TRIP12: variants seen among roughly 807,000 people sequenced by gnomAD.
TRIP12 encodes thyroid hormone receptor interactor 12.
Under a neutral mutation model 244.2 loss-of-function variants are expected in TRIP12, and 25 were observed. That is an observed-to-expected ratio of 0.10 (90% CI 0.07 to 0.14). TRIP12 has a LOEUF of 0.14. Ranked by LOEUF, TRIP12 falls within the 10% of genes least tolerant of loss-of-function variation. The pLI is 1.00. For synonymous variants in TRIP12, 905 were observed against 873.1 expected, an observed-to-expected ratio of 1.04 and a Z score of -0.64; for missense variants, 1,677 against 2,486.4, an observed-to-expected ratio of 0.67 and a Z score of 6.92.
chr2:229,896,829 A>G (rs2068972388), intron 1 of TRIP12, among the ~76,000 whole-genome samples: 1 of 152,244 alleles, frequency 6.6e-6, no homozygotes, highest in Admixed American at 6.5e-5. Flanking sequence ...AGACTTTACA[A>G]TAAGACTCTT....
At position 229,802,312 on chromosome 2, in the gene TRIP12, TCAGCTGCAGCATGAGTGG is replaced by T. The variant is rs779847915; in HGVS notation, c.3128_3145del (p.Ala1043_Ala1048del). 2.5e-6 allele frequency: 4 copies of T among 1,613,434 alleles called. No homozygotes were observed. The African/African-American group carries it at 4.0e-5, about 16-fold the overall frequency. ...GTGCTGCAAGCTGGGTGATCCCAAG[TCAGCTGCAGCATGAGTGG>T]CAGCTGTGGCTGTCCCACTGCTGAC... On this transcript the variant is annotated inframe_deletion, in exon 21 of 42. Coordinates refer to ENST00000675903, the MANE Select transcript of TRIP12 (RefSeq NM_001348323.3).
chr2:229,801,911 G>A (rs920615893), intron 21 of TRIP12, among the ~76,000 whole-genome samples: 1 of 152,100 alleles, frequency 6.6e-6, no homozygotes, highest in African/African-American at 2.4e-5. Flanking sequence ...ACAAAAAATA[G>A]TCACAAGATT....
At position 229,792,959 on chromosome 2, in the gene TRIP12, T is replaced by C; in HGVS notation, c.4141+14A>G. ...ATACATATATAACACACGAAACAAA[T>C]ATATGGAAAGTACCTCTAACTACAA... is the stretch of plus-strand genomic sequence containing the variant. On this transcript the variant is annotated intron_variant, in intron 27 of 41. Transcript: ENST00000675903. 5.0e-6 allele frequency: 8 copies of C among 1,606,494 alleles called. No individual in the cohort carries two copies. The highest frequency in any genetic ancestry group is 6.8e-6 in the Non-Finnish European group (8 of 1,176,682).
chr2:229,769,554 T>A (rs1002003499), intron 39 of TRIP12, among the ~76,000 whole-genome samples: 1 of 152,122 alleles, frequency 6.6e-6, no homozygotes, highest in Non-Finnish European at 1.5e-5. Flanking sequence ...CTGCAGGGAC[T>A]TGGTTCCTGA....
intron 2 of TRIP12, among the ~76,000 whole-genome samples, chr2:229,872,282 G>T (rs891034316): frequency 1.3e-5 from 2 of 152,174 alleles, no homozygotes; most frequent in East Asian, 1.9e-4. Flanking sequence ...AAAAAGAAGA[G>T]TCTGGGTGTG....
chr2:229,869,826 AACT>A (rs1463876170), intron 2 of TRIP12, among the ~76,000 whole-genome samples: 1 of 152,222 alleles, frequency 6.6e-6, no homozygotes, highest in Non-Finnish European at 1.5e-5. Context: ...AACTTTAAAG[AACT>A]ACTAACGAAT....
chr2:229,837,504 A>T (rs2055143674), intron 5 of TRIP12, among the ~76,000 whole-genome samples: 1 of 152,050 alleles, frequency 6.6e-6, no homozygotes, highest in African/African-American at 2.4e-5. Flanking sequence ...GTGTGGTGGC[A>T]TGCGCCTGTA....
intron 22 of TRIP12, 85 bp from the exon 23 acceptor site, chr2:229,799,134 C>G: frequency 6.5e-7 from 1 of 1,546,966 alleles, no homozygotes; most frequent in South Asian, 1.2e-5. Flanking sequence ...ACAGTCTTAA[C>G]AGATTAATTA....
chr2:229,920,845 A>T (rs190867237), intron 1 of TRIP12, among the ~76,000 whole-genome samples: 36 of 152,262 alleles, frequency 2.4e-4, no homozygotes, highest in African/African-American at 8.7e-4. Context: ...TCGTTATTCG[A>T]ACTCCCCTCT....
At chr2:229,869,801 G>T (rs1332245710) in intron 2 of TRIP12, among the ~76,000 whole-genome samples, 2 of 152,086 alleles carry the variant, frequency 1.3e-5, no homozygotes, top group Non-Finnish European at 2.9e-5. Flanking sequence ...CCTAGAAAAG[G>T]CTAAGAGTCA....
At position 229,819,040 on chromosome 2, in the gene TRIP12, C is replaced by CCACACACACA. The variant is rs370625320; in HGVS notation, c.1451-538_1451-529dup. On this transcript the variant is annotated intron_variant, in intron 8 of 41. Coordinates refer to ENST00000675903, the MANE Select transcript of TRIP12 (RefSeq NM_001348323.3). ...AAAGAATATTCTGTAAAAATAAAAA[C>CCACACACACA]CACACACACACACACACACACACAC... Among the ~76,000 whole-genome samples the CCACACACACA allele has an allele frequency of 2.2e-3, 291 of 134,042 alleles. 1 individual carries two copies. The highest frequency in any genetic ancestry group is 5.6e-3 in the African/African-American group (194 of 34,596). 87.9% of individuals were successfully genotyped at this position (134,042 alleles called of 152,430 possible). A position where few individuals can be genotyped will look rare whatever the true frequency, so the allele number is the denominator to read the frequency against.
intron 8 of TRIP12, among the ~76,000 whole-genome samples, chr2:229,826,422 C>T (rs1437348886): frequency 6.6e-6 from 1 of 152,100 alleles, no homozygotes; most frequent in Non-Finnish European, 1.5e-5. Flanking sequence ...GATAATGAAA[C>T]TTTGACATCT....
chr2:229,865,231 C>G (rs1402156261), intron 2 of TRIP12, among the ~76,000 whole-genome samples: 1 of 148,480 alleles, frequency 6.7e-6, no homozygotes, highest in African/African-American at 2.5e-5. Flanking sequence ...GAAGATCACT[C>G]GAGCCTAGCA....
intron 4 of TRIP12, among the ~76,000 whole-genome samples, chr2:229,847,461 C>A (rs1435405527): frequency 3.9e-5 from 6 of 152,228 alleles, no homozygotes; most frequent in South Asian, 4.1e-4. Flanking sequence ...CATGCACTCA[C>A]TTCTGTCTCC....
At chr2:229,776,218 C>CAT (rs999246469) in intron 37 of TRIP12, among the ~76,000 whole-genome samples, 13 of 152,132 alleles carry the variant, frequency 8.5e-5, no homozygotes, top group African/African-American at 3.1e-4. Flanking sequence ...AATAAATTAA[C>CAT]ATATATATGC....
chr2:229,841,079 T>C lies in TRIP12; in HGVS notation c.1028-152A>G, dbSNP rs2056315788. The C allele has an allele frequency of 1.1e-5, 7 of 613,556 alleles. No individual in the cohort carries two copies. In the South Asian group the frequency reaches 1.6e-4, roughly 14 times the overall value. 38.0% of individuals were successfully genotyped at this position (613,556 alleles called of 1,614,324 possible). ...TTACTAGCTTTATTTCCACAGCCTA[T>C]TCATAATGAAAAAGCTAATGGTACT... On this transcript the variant is annotated intron_variant, in intron 4 of 41. Transcript: ENST00000675903.
intron 26 of TRIP12, among the ~76,000 whole-genome samples, chr2:229,794,529 G>GT (rs2042322988): frequency 6.6e-6 from 1 of 151,972 alleles, no homozygotes; most frequent in South Asian, 2.1e-4. Context: ...TCACACTAGT[G>GT]TAATTTGGCT....
At chr2:229,811,086 T>C (rs765278034) in intron 14 of TRIP12, 41 bp from the exon 15 acceptor site, 2 of 1,613,350 alleles carry the variant, frequency 1.2e-6, no homozygotes, top group African/African-American at 2.7e-5. Flanking sequence ...ACATCAAGAT[T>C]CAGCAATTCA....
rs766168808 is a variant in TRIP12 at position 229,792,229 on chromosome 2, G to A, written c.4142-3C>T. 6.2e-7 allele frequency: 1 copy of A among 1,612,860 alleles called. No individual in the cohort carries two copies. Among genetic ancestry groups the A allele is most frequent in the Non-Finnish European group, 8.5e-7 (1 of 1,179,704 alleles). On this transcript the variant is annotated splice_polypyrimidine_tract_variant and splice_region_variant and intron_variant, in intron 27 of 41. Transcript: ENST00000675903. ...ATCTTCTCTTACTCTTCCATACCCTGAAGACCCAAGTAGACTTTTAAACTC... is the reference window on the plus strand; with the variant it reads ...ATCTTCTCTTACTCTTCCATACCCTAAAGACCCAAGTAGACTTTTAAACTC...
Sources: allele counts gnomAD v4.1 joint callset (sites outside exome capture counted in the v4.1 genomes callset), GRCh38; gene constraint gnomAD v4.1.1; transcripts MANE v1.5; gene names NCBI Gene and HGNC (gene_info 2026-07-23, HGNC 2026-07-21).